PTPRG: variants seen among roughly 807,000 people sequenced by gnomAD.
The protein encoded by PTPRG is protein tyrosine phosphatase receptor type G.
Under a neutral mutation model 165.3 loss-of-function variants are expected in PTPRG, and 102 were observed. The observed-to-expected ratio is 0.62, with a 90% confidence interval of 0.53 to 0.73. The LOEUF is 0.73. Ranked by LOEUF, PTPRG falls within the 30% of genes least tolerant of loss-of-function variation. The probability of loss-of-function intolerance (pLI) is 0.00; values close to 1 mark genes in which losing one functional copy is unlikely to be tolerated. For synonymous variants in PTPRG, 675 were observed against 669.5 expected, an observed-to-expected ratio of 1.01 and a Z score of -0.13; for missense variants, 1,866 against 1,861.4, an observed-to-expected ratio of 1.00 and a Z score of -0.05.
intron 1 of PTPRG, among the ~76,000 whole-genome samples, chr3:61,613,450 G>C (rs1243053494): frequency 6.6e-6 from 1 of 152,154 alleles, no homozygotes; most frequent in Non-Finnish European, 1.5e-5. Flanking sequence ...AGACATGCAG[G>C]GGTGAAAGGG....
At chr3:61,754,812 A>G (rs1249211555) in intron 2 of PTPRG, among the ~76,000 whole-genome samples, 2 of 152,198 alleles carry the variant, frequency 1.3e-5, no homozygotes, top group Non-Finnish European at 2.9e-5. Context: ...AAAGCAAAAT[A>G]TACGTGCCTG....
chr3:61,700,674 A>C (rs2030904200), intron 1 of PTPRG, among the ~76,000 whole-genome samples: 1 of 152,228 alleles, frequency 6.6e-6, no homozygotes, highest in African/African-American at 2.4e-5. Context: ...TCTCAAAAAC[A>C]ACAGCAATGT....
intron 4 of PTPRG, among the ~76,000 whole-genome samples, chr3:62,020,700 TTTG>T (rs533423189): frequency 0.013 from 1,992 of 151,928 alleles, 18 homozygotes; most frequent in Non-Finnish European, 0.019. Flanking sequence ...TATTTCTGGT[TTTG>T]TTGTTGTTGT....
rs1700609784 is a variant in PTPRG at position 62,219,959 on chromosome 3, G to A, written c.2288+976G>A. ...GAAAGCTTAAATCTGGAAAGGGGAG[G>A]GGCCCATGGGGGCCTAGCAGGAGTG... On this transcript the variant is annotated intron_variant, in intron 13 of 29. Transcript: ENST00000474889. This position sits in a 1 kb window ranked among gnomAD's most constrained non-coding sequence, Gnocchi z 4.5. Among the ~76,000 whole-genome samples the A allele has an allele frequency of 6.6e-6, 1 of 152,250 alleles. No individual in the cohort carries two copies. Among genetic ancestry groups the A allele is most frequent in the South Asian group, 2.1e-4 (1 of 4,834 alleles).
chr3:62,033,455 C>T (rs893664010), intron 4 of PTPRG, among the ~76,000 whole-genome samples: 2 of 151,376 alleles, frequency 1.3e-5, no homozygotes, highest in African/African-American at 4.9e-5. Flanking sequence ...CCTCAACCTC[C>T]CGGGCCCAAG....
chr3:61,709,166 A>C (rs892012625), intron 1 of PTPRG, among the ~76,000 whole-genome samples: 1 of 152,174 alleles, frequency 6.6e-6, no homozygotes, highest in Non-Finnish European at 1.5e-5. Context: ...ACTGAGGTAG[A>C]GCTTGCCTAC....
At chr3:62,292,361 T>C in intron 28 of PTPRG, 60 bp from the exon 29 acceptor site, 1 of 1,524,138 alleles carries the variant, frequency 6.6e-7, no homozygotes, top group Non-Finnish European at 8.9e-7. Context: ...AGTAATTTCA[T>C]TTCAATATAT....
At chr3:61,960,124 C>T (rs752663627) in intron 2 of PTPRG, among the ~76,000 whole-genome samples, 6 of 152,096 alleles carry the variant, frequency 3.9e-5, no homozygotes, top group African/African-American at 7.2e-5. Context: ...TTGTTTTTCA[C>T]AAGCTGCATT....
chr3:61,971,107 C>T (rs544345682), intron 2 of PTPRG, among the ~76,000 whole-genome samples: 21 of 152,240 alleles, frequency 1.4e-4, no homozygotes, highest in Admixed American at 2.6e-4. Flanking sequence ...GGCTGGAGTG[C>T]AGTGGTGCAA....
At chr3:62,170,573 T>C (rs1460653417) in intron 8 of PTPRG, among the ~76,000 whole-genome samples, 1 of 152,208 alleles carries the variant, frequency 6.6e-6, no homozygotes, top group African/African-American at 2.4e-5. Context: ...GTAGGCACGA[T>C]CTTCCACTGA....
At chr3:62,256,598 G>C (rs966401573) in intron 16 of PTPRG, among the ~76,000 whole-genome samples, 1 of 152,168 alleles carries the variant, frequency 6.6e-6, no homozygotes, top group Admixed American at 6.5e-5. Context: ...AATGTGTGTG[G>C]TGTTAAAGTG....
At chr3:61,569,042 C>T (rs772976611) in intron 1 of PTPRG, among the ~76,000 whole-genome samples, 5 of 152,152 alleles carry the variant, frequency 3.3e-5, no homozygotes, top group Admixed American at 6.5e-5. Flanking sequence ...TTCACTTGTA[C>T]TTGTGGTGGG....
intron 2 of PTPRG, among the ~76,000 whole-genome samples, chr3:61,933,683 G>C (rs1015728156): frequency 6.6e-6 from 1 of 151,912 alleles, no homozygotes; most frequent in African/African-American, 2.4e-5. Flanking sequence ...GGCCACTGAC[G>C]CCCCTTCCAC....
At chr3:61,977,722 A>T (rs1430754342) in intron 2 of PTPRG, among the ~76,000 whole-genome samples, 1 of 152,224 alleles carries the variant, frequency 6.6e-6, no homozygotes, top group Non-Finnish European at 1.5e-5. Flanking sequence ...GTATAAAATA[A>T]TAAGTAGTAA....
intron 2 of PTPRG, among the ~76,000 whole-genome samples, chr3:61,887,020 T>C (rs976049017): frequency 1.3e-5 from 2 of 151,032 alleles, no homozygotes; most frequent in African/African-American, 4.9e-5. Flanking sequence ...GCTACTAATA[T>C]CTTGTGTGCG....
At chr3:61,772,653 T>C (rs1168180041) in intron 2 of PTPRG, among the ~76,000 whole-genome samples, 1 of 152,212 alleles carries the variant, frequency 6.6e-6, no homozygotes, top group Non-Finnish European at 1.5e-5. Context: ...AGTCAATACA[T>C]AAAAATCCAT....
chr3:62,069,684 T>TCTCTCTGTCA lies in PTPRG; in HGVS notation c.520-8478_520-8477insTCTCTGTCAC, dbSNP rs542306888. On this transcript the variant is annotated intron_variant, in intron 4 of 29. Transcript: ENST00000474889. ...CTCTCTCTCTCTCTCTCTCTCTCTCTCACACACAGACACACGCACACACAC... is the reference window on the plus strand; with the variant it reads ...CTCTCTCTCTCTCTCTCTCTCTCTCTCTCTCTGTCACACACACAGACACACGCACACACAC... 3.7e-4 allele frequency among the ~76,000 whole-genome samples: 53 copies of TCTCTCTGTCA among 145,060 alleles called. 1 individual carries two copies. Among genetic ancestry groups the TCTCTCTGTCA allele is most frequent in the Non-Finnish European group, 7.0e-4 (47 of 67,252 alleles).
In PTPRG at chr3:62,242,686, C is replaced by T. The variant is rs72878131; in HGVS notation, c.2376-1121C>T. Among the ~76,000 whole-genome samples the T allele has an allele frequency of 5.6e-3, 859 of 152,278 alleles. 9 individuals are homozygous for T. The highest frequency in any genetic ancestry group is 0.019 in the African/African-American group (807 of 41,546). ...TTCTCTAACCTTCCCAACCCTAGCC[C>T]CTTCTTTGGCCTCATAGAAACAGGG... On this transcript the variant is annotated intron_variant, in intron 14 of 29. Coordinates refer to ENST00000474889, the MANE Select transcript of PTPRG (RefSeq NM_002841.4).
At chr3:61,845,335 A>G (rs1313221625) in intron 2 of PTPRG, among the ~76,000 whole-genome samples, 2 of 152,206 alleles carry the variant, frequency 1.3e-5, no homozygotes, top group Non-Finnish European at 2.9e-5. Context: ...TAGGTTATAG[A>G]TGAGGACAAA....
Sources: gnomAD v4.1 joint callset for allele counts (sites outside exome capture counted in the v4.1 genomes callset) on GRCh38, gnomAD v4.1.1 for gene constraint, Gnocchi (gnomAD v3.1) non-coding constraint, MANE v1.5 for transcripts, NCBI Gene and HGNC (gene_info 2026-07-23, HGNC 2026-07-21) for gene names.